The following STARD4 variants were observed in gnomAD, a reference collection of about 807,000 sequenced individuals.
The protein encoded by STARD4 is stAR-related lipid transfer protein 4.
STARD4 carries 33 observed loss-of-function variants against 24.9 expected under a neutral mutation model. The ratio of observed to expected loss-of-function variants is 1.32; its 90% CI spans 1.00 to 1.77. STARD4 has a LOEUF of 1.77. Among genes scored for constraint, STARD4 ranks in the 40% most tolerant of loss-of-function variants. STARD4 has a pLI of 0.00. For synonymous variants in STARD4, 88 were observed against 77.4 expected (o/e 1.14, Z -0.72); for missense variants, 238 against 249.3 (o/e 0.95, Z 0.31).
chr5:111,500,688 G>A, intron 5 of STARD4: 1 of 1,352,422 alleles, frequency 7.4e-7, no homozygotes, highest in Non-Finnish European at 9.4e-7. Context: ...GTATGACCAA[G>A]AAACTGTTTT....
chr5:111,504,617 G>C (rs1046173700), intron 3 of STARD4, among the ~76,000 whole-genome samples: 1 of 151,992 alleles, frequency 6.6e-6, no homozygotes, highest in African/African-American at 2.4e-5. Flanking sequence ...TTTTAAAAAA[G>C]CATGTGAAGC....
chr5:111,504,735 TTAATC>T (rs1427948399), intron 3 of STARD4, among the ~76,000 whole-genome samples: 2 of 152,210 alleles, frequency 1.3e-5, no homozygotes, highest in African/African-American at 4.8e-5. Context: ...GTAAAACAAA[TTAATC>T]TAGTCAAATT....
chr5:111,505,925 G>C (rs967569099), intron 3 of STARD4, among the ~76,000 whole-genome samples: 2 of 152,006 alleles, frequency 1.3e-5, no homozygotes, highest in Non-Finnish European at 2.9e-5. Flanking sequence ...AAATCGCCAG[G>C]TGTGGTGGCT....
In STARD4 at chr5:111,499,771, A is replaced by G. The variant is rs369118809; in HGVS notation, c.*115T>C. ...ACCAAACATTGTACTAGTGAACCAAAAACATTTCAAATTTTTCTACCGGCT... is the reference window on the plus strand; with the variant it reads ...ACCAAACATTGTACTAGTGAACCAAGAACATTTCAAATTTTTCTACCGGCT... On this transcript the variant is annotated 3_prime_UTR_variant, in exon 6 of 6. Transcript: ENST00000296632. 413 of 982,466 alleles carry G rather than the reference A, an allele frequency of 4.2e-4. 2 individuals are homozygous for G. The African/African-American group carries it at 5.8e-3, about 14-fold the overall frequency. The allele number at this position is 982,466 out of a possible 1,614,324, so 60.9% of individuals were successfully genotyped here. A position where few individuals can be genotyped will look rare whatever the true frequency, so the allele number is the denominator to read the frequency against.
rs368809129 is a variant in STARD4, at chr5:111,497,862, T to C, written c.*2024A>G. On this transcript the variant is annotated 3_prime_UTR_variant, in exon 6 of 6. Coordinates refer to ENST00000296632, the MANE Select transcript of STARD4 (RefSeq NM_139164.3). ...TCATGAACACCTCCACTCTTAAAAA[T>C]GAAACCAAACATAACCTGCTGTAAT... 1.5e-4 allele frequency: 23 copies of C among 152,020 alleles called. No individual in the cohort carries two copies. The highest frequency in any genetic ancestry group is 4.8e-4 in the African/African-American group (20 of 41,424). 9.4% of individuals were successfully genotyped at this position (152,020 alleles called of 1,614,324 possible).
intron 3 of STARD4, among the ~76,000 whole-genome samples, chr5:111,504,554 T>G (rs1379090359): frequency 6.6e-6 from 1 of 152,134 alleles, no homozygotes; most frequent in Non-Finnish European, 1.5e-5. Flanking sequence ...CTTCTGGAGA[T>G]GAAAGAAAGG....
intron 3 of STARD4, among the ~76,000 whole-genome samples, chr5:111,502,468 C>CAA (rs201618288): frequency 7.1e-6 from 1 of 141,466 alleles, no homozygotes; most frequent in African/African-American, 2.6e-5. Context: ...GATTCCATCT[C>CAA]AAAAAAAAAA....
At chr5:111,501,842 G>A (rs1484262908) in intron 4 of STARD4, 120 bp downstream of exon 4, 3 of 1,358,778 alleles carry the variant, frequency 2.2e-6, no homozygotes, top group Non-Finnish European at 3.0e-6. Context: ...TGTCGTGACT[G>A]CTATTCTCAA....
Position 111,499,837 on chromosome 5 carries a change from G to C in STARD4, c.*49C>G, listed in dbSNP as rs1561533343. The stretch of plus-strand genomic sequence containing the variant: ...ATCAATGATTTTTACAGGCCATGTA[G>C]CTGAGAGAGTTGATCTGTAGTACTA... On this transcript the variant is annotated 3_prime_UTR_variant, in exon 6 of 6. Transcript: ENST00000296632. The C allele has an allele frequency of 6.6e-7, 1 of 1,517,488 alleles. No homozygotes were observed. The highest frequency in any genetic ancestry group is 1.7e-5 in the Admixed American group (1 of 58,424). 94.0% of individuals were successfully genotyped at this position (1,517,488 alleles called of 1,614,324 possible). A position where few individuals can be genotyped will look rare whatever the true frequency, so the allele number is the denominator to read the frequency against.
At chr5:111,503,622 C>T (rs563565829) in intron 3 of STARD4, among the ~76,000 whole-genome samples, 6 of 152,074 alleles carry the variant, frequency 3.9e-5, no homozygotes, top group African/African-American at 1.4e-4. Context: ...AGCGAAACTC[C>T]GTCTCAAACA....
intron 1 of STARD4, among the ~76,000 whole-genome samples, chr5:111,511,409 C>T (rs1241881053): frequency 6.6e-6 from 1 of 152,144 alleles, no homozygotes; most frequent in Non-Finnish European, 1.5e-5. Flanking sequence ...ATTTAATCCT[C>T]ACAACAGTAA....
At chr5:111,501,890 C>T (rs75383695) in intron 4 of STARD4, 72 bp downstream of exon 4, 4 of 1,585,778 alleles carry the variant, frequency 2.5e-6, no homozygotes, top group South Asian at 1.1e-5. Flanking sequence ...CTCATGCTCA[C>T]ATGCTCTGGC....
rs1285296878 is a variant in STARD4 at position 111,497,628 on chromosome 5, GTTTATT to G, written c.*2252_*2257del. On this transcript the variant is annotated 3_prime_UTR_variant, in exon 6 of 6. Coordinates refer to ENST00000296632, the MANE Select transcript of STARD4 (RefSeq NM_139164.3). ...TAAAATATTAAAATTAACTTCAGCT[GTTTATT>G]TTTATTTTTTAATGTGGCTTCTAGA... 6.6e-6 allele frequency: 1 copy of G among 151,928 alleles called. No homozygotes were observed. Among genetic ancestry groups the G allele is most frequent in the Non-Finnish European group, 1.5e-5 (1 of 67,888 alleles). 9.4% of individuals were successfully genotyped at this position (151,928 alleles called of 1,614,324 possible). A position where few individuals can be genotyped will look rare whatever the true frequency, so the allele number is the denominator to read the frequency against.
At chr5:111,500,774 C>A (rs1300086021) in intron 5 of STARD4, 25 of 1,436,296 alleles carry the variant, frequency 1.7e-5, no homozygotes, top group Middle Eastern at 5.1e-4. Flanking sequence ...CATTTGCTAC[C>A]TCTGACCTAG....
chr5:111,500,443 C>A, intron 5 of STARD4: 1 of 1,061,396 alleles, frequency 9.4e-7, no homozygotes, highest in Non-Finnish European at 1.1e-6. Flanking sequence ...TTCCCCACAG[C>A]GACTACCATA....
chr5:111,510,840 C>T, intron 1 of STARD4, among the ~76,000 whole-genome samples: 3 of 152,274 alleles, frequency 2.0e-5, no homozygotes, highest in Middle Eastern at 3.4e-3. Flanking sequence ...AAATATGGAA[C>T]ATAATAAAAC....
rs1303076743 is a variant in STARD4 at position 111,499,254 on chromosome 5, C to A, written c.*632G>T. 2.0e-5 allele frequency: 3 copies of A among 152,028 alleles called. No individual in the cohort carries two copies. The highest frequency in any genetic ancestry group is 7.2e-5 in the African/African-American group (3 of 41,380). The allele number at this position is 152,028 out of a possible 1,614,324, so 9.4% of individuals were successfully genotyped here. Reference sequence around the variant, plus strand: ...TAAGGCACCCACAGAATTAGGGGACCCACAATACTCAATTCTAATCATTAT... The same window carrying A: ...TAAGGCACCCACAGAATTAGGGGACACACAATACTCAATTCTAATCATTAT... On this transcript the variant is annotated 3_prime_UTR_variant, in exon 6 of 6. Coordinates refer to ENST00000296632, the MANE Select transcript of STARD4 (RefSeq NM_139164.3).
intron 1 of STARD4, among the ~76,000 whole-genome samples, chr5:111,509,327 AT>A (rs1757081144): frequency 6.6e-6 from 1 of 152,186 alleles, no homozygotes; most frequent in Non-Finnish European, 1.5e-5. Flanking sequence ...ACAGAAAGTT[AT>A]TATTATCATA....
At chr5:111,506,293 T>A (rs756995758) in intron 3 of STARD4, 37 bp downstream of exon 3, 4 of 1,239,486 alleles carry the variant, frequency 3.2e-6, no homozygotes, top group Admixed American at 2.4e-5. Flanking sequence ...TTTTGAAATG[T>A]CTTAAGAGCT....
Sources: allele counts gnomAD v4.1 joint callset (sites outside exome capture counted in the v4.1 genomes callset), GRCh38; gene constraint gnomAD v4.1.1; transcripts MANE v1.5; gene names NCBI Gene and HGNC (gene_info 2026-07-23, HGNC 2026-07-21).